Variants in ZNF385D observed in about 807,000 individuals in gnomAD.
The protein encoded by ZNF385D is zinc finger protein 385D, also known as zinc finger protein 659.
Under a neutral mutation model 35.8 loss-of-function variants are expected in ZNF385D, and 15 were observed. The observed-to-expected ratio is 0.42, with a 90% CI of 0.28 to 0.64. The LOEUF is 0.64. Among genes scored for constraint, ZNF385D ranks in the 30% least tolerant of loss-of-function variants. The pLI, the probability that ZNF385D is intolerant of heterozygous loss-of-function variation, is 0.23. For missense variants in ZNF385D, 474 were observed against 494.6 expected (o/e 0.96, Z 0.39); for synonymous variants, 212 against 186.8 (o/e 1.13, Z -1.10).
chr3:21,832,888 G>C (rs563311758), intron 3 of ZNF385D, among the ~76,000 whole-genome samples: 2 of 152,134 alleles, frequency 1.3e-5, no homozygotes, highest in Non-Finnish European at 2.9e-5. Context: ...CAGATATTCA[G>C]TTCATTCACT....
chr3:21,758,022 T>C (rs900276707), intron 3 of ZNF385D, among the ~76,000 whole-genome samples: 5 of 152,222 alleles, frequency 3.3e-5, no homozygotes, highest in African/African-American at 9.6e-5. Flanking sequence ...CCCTTTTCTG[T>C]TCCCCTTTAT....
At chr3:21,614,280 A>C (rs924686968) in intron 2 of ZNF385D, among the ~76,000 whole-genome samples, 3 of 152,148 alleles carry the variant, frequency 2.0e-5, no homozygotes, top group African/African-American at 7.2e-5. Context: ...CTGTGTGTTC[A>C]GGAGTCAAGA....
At chr3:22,347,089 CAT>C (rs1034560022) in intron 2 of ZNF385D, among the ~76,000 whole-genome samples, 83 of 151,734 alleles carry the variant, frequency 5.5e-4, no homozygotes, top group African/African-American at 1.9e-3. Flanking sequence ...ATGAAAGTGA[CAT>C]AAAGAGAGAG....
chr3:21,889,319 G>A (rs1254861093), intron 3 of ZNF385D, among the ~76,000 whole-genome samples: 1 of 152,168 alleles, frequency 6.6e-6, no homozygotes, highest in Admixed American at 6.5e-5. Context: ...AGGGCAAGGA[G>A]ACCTCAGATG....
intron 2 of ZNF385D, among the ~76,000 whole-genome samples, chr3:21,628,120 C>T (rs1575351441): frequency 6.6e-6 from 1 of 152,042 alleles, no homozygotes; most frequent in Non-Finnish European, 1.5e-5. Flanking sequence ...TTAATGGCTG[C>T]TACTGATTGT....
At chr3:21,662,765 A>C (rs1013275055) in intron 2 of ZNF385D, among the ~76,000 whole-genome samples, 1 of 152,204 alleles carries the variant, frequency 6.6e-6, no homozygotes, top group Non-Finnish European at 1.5e-5. Context: ...ACAAGTTAAA[A>C]TCCATGATGG....
chr3:22,080,150 G>C (rs1700674561), intron 3 of ZNF385D, among the ~76,000 whole-genome samples: 1 of 152,120 alleles, frequency 6.6e-6, no homozygotes, highest in South Asian at 2.1e-4. Flanking sequence ...TCTGAAATGT[G>C]CCTGTCTATG....
chr3:22,208,290 C>T (rs1291083004), intron 2 of ZNF385D, among the ~76,000 whole-genome samples: 1 of 151,792 alleles, frequency 6.6e-6, no homozygotes, highest in Non-Finnish European at 1.5e-5. Flanking sequence ...TTTGCAACAA[C>T]ATGGATGGAA....
At chr3:22,302,484 T>C (rs1702956714) in intron 2 of ZNF385D, among the ~76,000 whole-genome samples, 1 of 152,048 alleles carries the variant, frequency 6.6e-6, no homozygotes, top group South Asian at 2.1e-4. Context: ...CATTATGATA[T>C]GTACAGTTTA....
At chr3:21,489,747 T>A (rs1575035303) in intron 4 of ZNF385D, among the ~76,000 whole-genome samples, 1 of 152,232 alleles carries the variant, frequency 6.6e-6, no homozygotes, top group Admixed American at 6.5e-5. Flanking sequence ...AGGTTGCCCT[T>A]GATGGGCAAT....
intron 3 of ZNF385D, among the ~76,000 whole-genome samples, chr3:22,144,982 A>C (rs1291051900): frequency 2.0e-5 from 3 of 149,226 alleles, no homozygotes; most frequent in African/African-American, 2.5e-5. Context: ...AGACAGAGCT[A>C]ACTAGAAATA....
At chr3:21,768,759 T>C (rs937392021) in intron 3 of ZNF385D, among the ~76,000 whole-genome samples, 1 of 151,960 alleles carries the variant, frequency 6.6e-6, no homozygotes, top group Admixed American at 6.6e-5. Flanking sequence ...CCTCCATTGT[T>C]ACGAACCCAC....
At chr3:21,647,034 G>A (rs1222797918) in intron 2 of ZNF385D, among the ~76,000 whole-genome samples, 1 of 152,044 alleles carries the variant, frequency 6.6e-6, no homozygotes, top group Non-Finnish European at 1.5e-5. Context: ...CAAAACAGTG[G>A]CAAGGAAAAC....
At chr3:21,964,974 T>G (rs1576026385) in intron 3 of ZNF385D, among the ~76,000 whole-genome samples, 1 of 152,168 alleles carries the variant, frequency 6.6e-6, no homozygotes, top group Non-Finnish European at 1.5e-5. Context: ...CGTTAGCACT[T>G]AGGTTTACAT....
chr3:21,877,165 C>A (rs1374699338), intron 3 of ZNF385D, among the ~76,000 whole-genome samples: 1 of 152,066 alleles, frequency 6.6e-6, no homozygotes, highest in Non-Finnish European at 1.5e-5. Flanking sequence ...AACACTGAGA[C>A]TCGATAAACA....
intron 3 of ZNF385D, among the ~76,000 whole-genome samples, chr3:21,832,810 T>C: frequency 6.6e-6 from 1 of 152,162 alleles, no homozygotes; most frequent in East Asian, 1.9e-4. Flanking sequence ...GTTTACCTGA[T>C]TCTATGAGCT....
intron 3 of ZNF385D, among the ~76,000 whole-genome samples, chr3:21,951,819 C>T (rs368179093): frequency 6.6e-6 from 1 of 151,612 alleles, no homozygotes; most frequent in African/African-American, 2.4e-5. Flanking sequence ...TTCTCCCCCA[C>T]TCTTGAGTTT....
At chr3:22,261,497 A>G (rs9878499) in intron 2 of ZNF385D, among the ~76,000 whole-genome samples, 3,076 of 152,002 alleles carry the variant, frequency 0.02, 97 homozygotes, top group African/African-American at 0.069. Context: ...ATATTGTAAA[A>G]ATGTAGTGTC....
intron 3 of ZNF385D, among the ~76,000 whole-genome samples, chr3:22,062,783 T>C (rs1699756896): frequency 6.6e-6 from 1 of 152,168 alleles, no homozygotes; most frequent in African/African-American, 2.4e-5. Context: ...CTCTGGAAGA[T>C]GCCAGCTGCC....
Sources: allele counts gnomAD v4.1 joint callset (sites outside exome capture counted in the v4.1 genomes callset), GRCh38; gene constraint gnomAD v4.1.1; transcripts MANE v1.5; gene names NCBI Gene and HGNC (gene_info 2026-07-23, HGNC 2026-07-21).